Variants in EMCN observed in about 807,000 individuals in gnomAD.
EMCN encodes MUC-14.
Under a neutral mutation model 38.4 loss-of-function variants are expected in EMCN, and 37 were observed. That is an observed-to-expected ratio of 0.96 (90% confidence interval 0.74 to 1.27). EMCN has a LOEUF of 1.27. Among genes scored for constraint, EMCN ranks in the 50% most tolerant of loss-of-function variants. The pLI, the probability that EMCN is intolerant of heterozygous loss-of-function variation, is 0.00. For synonymous variants in EMCN, 95 were observed against 100.8 expected (o/e 0.94, Z 0.35); for missense variants, 318 against 302.8 (o/e 1.05, Z -0.37).
At chr4:100,477,707 T>A (rs1176727779) in intron 2 of EMCN, among the ~76,000 whole-genome samples, 1 of 152,202 alleles carries the variant, frequency 6.6e-6, no homozygotes, top group Non-Finnish European at 1.5e-5. Context: ...CATGTTGTGT[T>A]TTTTTGGTAA....
At chr4:100,423,788 A>G (rs1560609080) in intron 5 of EMCN, among the ~76,000 whole-genome samples, 1 of 152,142 alleles carries the variant, frequency 6.6e-6, no homozygotes, top group Non-Finnish European at 1.5e-5. Context: ...TCTATCACAC[A>G]TAGTTAAAAT....
At chr4:100,459,515 G>T (rs931995270) in intron 4 of EMCN, among the ~76,000 whole-genome samples, 9 of 151,946 alleles carry the variant, frequency 5.9e-5, no homozygotes, top group Admixed American at 6.6e-5. Context: ...TCTCCAGAAG[G>T]TATTCCTCCT....
intron 1 of EMCN, among the ~76,000 whole-genome samples, chr4:100,510,347 G>A (rs1291167227): frequency 6.6e-6 from 1 of 152,136 alleles, no homozygotes; most frequent in Non-Finnish European, 1.5e-5. Context: ...AATTGTGCCT[G>A]CATATATTGT....
chr4:100,467,681 C>CAAAA (rs3974786), intron 3 of EMCN, among the ~76,000 whole-genome samples: 18 of 83,560 alleles, frequency 2.2e-4, no homozygotes, highest in Non-Finnish European at 3.0e-4. Flanking sequence ...GACTCCGTCT[C>CAAAA]AAAAAAAAAA....
chr4:100,459,385 A>G (rs1052424804), intron 4 of EMCN, among the ~76,000 whole-genome samples: 1 of 152,194 alleles, frequency 6.6e-6, no homozygotes, highest in Admixed American at 6.5e-5. Flanking sequence ...GCTGATTAAC[A>G]TATGATCTCA....
intron 11 of EMCN, among the ~76,000 whole-genome samples, chr4:100,403,666 T>C (rs1367254489): frequency 6.6e-6 from 1 of 152,138 alleles, no homozygotes; most frequent in African/African-American, 2.4e-5. Flanking sequence ...TCCACAGTGA[T>C]TGAACTCATT....
chr4:100,399,124 C>G (rs73833304), intron 11 of EMCN, among the ~76,000 whole-genome samples: 2,049 of 152,286 alleles, frequency 0.013, 33 homozygotes, highest in African/African-American at 0.036. Flanking sequence ...TTTGCCACTT[C>G]TTCATAGGAA....
In EMCN at chr4:100,435,730, T is replaced by A. The variant is rs191383890; in HGVS notation, c.415+11803A>T. ...GAACTCAGAAATAAGACCACACACC[T>A]AAAACCATCTGATCTTCAACAACCC... On this transcript the variant is annotated intron_variant, in intron 5 of 11. Coordinates refer to ENST00000296420, the MANE Select transcript of EMCN (RefSeq NM_016242.4). 2.7e-3 allele frequency among the ~76,000 whole-genome samples: 408 copies of A among 152,198 alleles called. 2 individuals are homozygous for A. Among genetic ancestry groups the A allele is most frequent in the African/African-American group, 9.4e-3 (390 of 41,522 alleles).
rs1466201078 is a variant in EMCN at position 100,515,741 on chromosome 4, T to C, written c.64+2110A>G. Reference sequence around the variant, plus strand: ...TAAGTTTGAGGAACATGTAAAACTCTGAAATCAAATGTGTATCTGGAACTA... The same window carrying C: ...TAAGTTTGAGGAACATGTAAAACTCCGAAATCAAATGTGTATCTGGAACTA... On this transcript the variant is annotated intron_variant, in intron 1 of 11. Transcript: ENST00000296420. Among the ~76,000 whole-genome samples, 5 of 152,096 alleles carry C rather than the reference T, an allele frequency of 3.3e-5. No homozygotes were observed. In the East Asian group the frequency reaches 9.7e-4, roughly 29 times the overall value.
intron 3 of EMCN, among the ~76,000 whole-genome samples, 186 bp from the exon 4 acceptor site, chr4:100,465,725 G>A (rs547846832): frequency 3.9e-4 from 59 of 152,216 alleles, no homozygotes; most frequent in Admixed American, 2.4e-3. Context: ...AGAATGTGGA[G>A]GGACATTAAC....
intron 4 of EMCN, among the ~76,000 whole-genome samples, chr4:100,452,598 T>G (rs1010570432): frequency 6.6e-6 from 1 of 152,128 alleles, no homozygotes; most frequent in Non-Finnish European, 1.5e-5. Context: ...CTGCCAATCC[T>G]TTACAGTGTG....
chr4:100,443,401 G>A (rs1727577345), intron 5 of EMCN, among the ~76,000 whole-genome samples: 1 of 152,250 alleles, frequency 6.6e-6, no homozygotes, highest in African/African-American at 2.4e-5. Context: ...TGTAGGCACA[G>A]TGGGGTAATC....
intron 11 of EMCN, among the ~76,000 whole-genome samples, chr4:100,408,313 G>A (rs1349641858): frequency 6.6e-6 from 1 of 152,146 alleles, no homozygotes; most frequent in Non-Finnish European, 1.5e-5. Flanking sequence ...TAGAGTTTCA[G>A]GAGTTCTTGA....
At chr4:100,505,986 A>G (rs1321580126) in intron 1 of EMCN, among the ~76,000 whole-genome samples, 1 of 152,220 alleles carries the variant, frequency 6.6e-6, no homozygotes, top group East Asian at 1.9e-4. Context: ...CAATAGTTTC[A>G]TCAAAGATGA....
chr4:100,434,425 C>G (rs1727292467), intron 5 of EMCN, among the ~76,000 whole-genome samples: 1 of 143,680 alleles, frequency 7.0e-6, no homozygotes, highest in African/African-American at 2.6e-5. Context: ...GATGGATTTA[C>G]AGTTGAATTC....
At chr4:100,473,527 A>G (rs953518105) in intron 3 of EMCN, among the ~76,000 whole-genome samples, 2 of 151,930 alleles carry the variant, frequency 1.3e-5, no homozygotes, top group African/African-American at 2.4e-5. Flanking sequence ...AACTCACGAT[A>G]TAAACAAAGC....
intron 3 of EMCN, among the ~76,000 whole-genome samples, chr4:100,470,334 G>A (rs183746495): frequency 6.7e-6 from 1 of 150,254 alleles, no homozygotes; most frequent in Admixed American, 6.6e-5. Flanking sequence ...AAACCACAAT[G>A]AGATACCCTC....
chr4:100,449,179 T>C (rs1274723895), intron 4 of EMCN, among the ~76,000 whole-genome samples: 1 of 152,118 alleles, frequency 6.6e-6, no homozygotes, highest in Non-Finnish European at 1.5e-5. Flanking sequence ...ACCTACCTGA[T>C]TTCAACTTTT....
At chr4:100,399,765 A>G (rs1038940862) in intron 11 of EMCN, among the ~76,000 whole-genome samples, 3 of 152,034 alleles carry the variant, frequency 2.0e-5, no homozygotes, top group African/African-American at 2.4e-5. Context: ...TTTTATTTTT[A>G]TCTTCTTTTT....
Sources: gnomAD v4.1 joint callset for allele counts (sites outside exome capture counted in the v4.1 genomes callset) on GRCh38, gnomAD v4.1.1 for gene constraint, MANE v1.5 for transcripts, NCBI Gene and HGNC (gene_info 2026-07-23, HGNC 2026-07-21) for gene names.